Variants in BNC2 observed in about 807,000 individuals in gnomAD.
The protein encoded by BNC2 is basonuclin zinc finger protein 2.
In BNC2, 20 loss-of-function variants were observed where a neutral mutation model predicts 76.3. That is an observed-to-expected ratio of 0.26 (90% confidence interval 0.18 to 0.38). The LOEUF is 0.38. Among genes scored for constraint, BNC2 ranks in the 10% least tolerant of loss-of-function variants. The pLI is 1.00. For missense variants in BNC2, 1,382 were observed against 1,399.8 expected (o/e 0.99, Z 0.20); for synonymous variants, 582 against 514.8 (o/e 1.13, Z -1.77).
At chr9:16,582,931 A>G in intron 4 of BNC2, 52 bp downstream of exon 4, 13 of 1,342,644 alleles carry the variant, frequency 9.7e-6, no homozygotes, top group Middle Eastern at 1.8e-4. Flanking sequence ...ACACACACAC[A>G]CACGAACATG....
chr9:16,656,059 G>C (rs1341181130), intron 3 of BNC2, among the ~76,000 whole-genome samples: 1 of 152,202 alleles, frequency 6.6e-6, no homozygotes, highest in South Asian at 2.1e-4. Context: ...GACACTTTTG[G>C]TTGTCACAAC....
intron 3 of BNC2, among the ~76,000 whole-genome samples, chr9:16,715,982 T>C (rs1185669362): frequency 2.0e-5 from 3 of 152,240 alleles, no homozygotes; most frequent in Admixed American, 6.5e-5. Flanking sequence ...AAACTCATTT[T>C]CATAATTAAA....
intron 5 of BNC2, among the ~76,000 whole-genome samples, chr9:16,443,354 T>C (rs1821168366): frequency 6.6e-6 from 1 of 152,190 alleles, no homozygotes; most frequent in East Asian, 1.9e-4. Flanking sequence ...TATTTCATCA[T>C]AACCACATTG....
chr9:16,469,172 A>G lies in BNC2; in HGVS notation c.670-31648T>C, dbSNP rs1821762922. On this transcript the variant is annotated intron_variant, in intron 5 of 6. Transcript: ENST00000380672. ...AGGAGTAAAACTTGCTTTCACCTAC[A>G]GCAATAAGCAGCTCAGAAAAAGTGA... 2.0e-5 allele frequency among the ~76,000 whole-genome samples: 3 copies of G among 146,498 alleles called. No homozygotes were observed. In the South Asian group the frequency reaches 6.7e-4, roughly 33 times the overall value.
At chr9:16,593,521 C>T (rs1023292536) in intron 3 of BNC2, among the ~76,000 whole-genome samples, 1 of 150,086 alleles carries the variant, frequency 6.7e-6, no homozygotes, top group Non-Finnish European at 1.5e-5. Flanking sequence ...CATACGCAAG[C>T]TTTGGAGTGC....
chr9:16,856,369 T>TCC (rs1819258557), intron 1 of BNC2, among the ~76,000 whole-genome samples: 1 of 152,110 alleles, frequency 6.6e-6, no homozygotes, highest in African/African-American at 2.4e-5. Context: ...GACTGGTTGC[T>TCC]GTTTACAGAC....
chr9:16,563,449 T>C (rs1819074884), intron 4 of BNC2, among the ~76,000 whole-genome samples: 1 of 151,870 alleles, frequency 6.6e-6, no homozygotes, highest in African/African-American at 2.4e-5. Flanking sequence ...CGAAACCCTG[T>C]ATCTACCAAA....
chr9:16,835,020 C>T (rs970470821), intron 1 of BNC2, among the ~76,000 whole-genome samples: 2 of 152,074 alleles, frequency 1.3e-5, no homozygotes, highest in African/African-American at 2.4e-5. Flanking sequence ...GTCTAGTCAG[C>T]GAGTTTCATT....
Position 16,464,563 on chromosome 9 carries a change from TTAATA to T in BNC2, c.670-27044_670-27040del, listed in dbSNP as rs1334119252. Among the ~76,000 whole-genome samples, 41 of 149,054 alleles carry T rather than the reference TTAATA, an allele frequency of 2.8e-4. 1 individual carries two copies. On this transcript the variant is annotated intron_variant, in intron 5 of 6. Transcript: ENST00000380672. ...TTTGCAGACTGATAAGATTAAATAA[TTAATA>T]TAAGATTAAATATTTCCTAAACATA...
chr9:16,676,656 T>C (rs1435524850), intron 3 of BNC2, among the ~76,000 whole-genome samples: 3 of 152,230 alleles, frequency 2.0e-5, no homozygotes, highest in African/African-American at 7.2e-5. Flanking sequence ...ATCTGACATA[T>C]AGAACCTGAG....
At chr9:16,486,409 G>A (rs1822165595) in intron 5 of BNC2, among the ~76,000 whole-genome samples, 1 of 152,156 alleles carries the variant, frequency 6.6e-6, no homozygotes, top group African/African-American at 2.4e-5. Context: ...GGTTGGGGCA[G>A]GAAGAATTAA....
chr9:16,496,952 G>T (rs559663979), intron 5 of BNC2, among the ~76,000 whole-genome samples: 4 of 152,286 alleles, frequency 2.6e-5, no homozygotes, highest in African/African-American at 9.6e-5. Flanking sequence ...CAGCCTCTCC[G>T]CAGTACTACT....
rs1178179643 is a variant in BNC2, at chr9:16,870,599, C to T, written c.3+47G>A. On this transcript the variant is annotated intron_variant, in intron 1 of 6. Coordinates refer to ENST00000380672, the MANE Select transcript of BNC2 (RefSeq NM_017637.6). The stretch of plus-strand genomic sequence containing the variant: ...TGGCGCTCGGGCGCGGGGGTCATTT[C>T]TGAGGAAGTCTAGAATAAAAGAGGA... 4 of 1,605,614 alleles carry T rather than the reference C, an allele frequency of 2.5e-6. No homozygotes were observed. In the East Asian group the frequency reaches 6.8e-5, roughly 27 times the overall value.
At chr9:16,785,644 C>T (rs1288853289) in intron 1 of BNC2, among the ~76,000 whole-genome samples, 1 of 150,876 alleles carries the variant, frequency 6.6e-6, no homozygotes, top group East Asian at 2.0e-4. Flanking sequence ...GTGATCGGCC[C>T]GCCTCGGCCT....
chr9:16,548,641 G>A (rs1371343819), intron 5 of BNC2, among the ~76,000 whole-genome samples: 4 of 152,176 alleles, frequency 2.6e-5, no homozygotes, highest in Admixed American at 2.6e-4. Flanking sequence ...CTGACCTCAA[G>A]TGATCTGCCC....
chr9:16,660,582 C>A (rs545753507), intron 3 of BNC2, among the ~76,000 whole-genome samples: 18 of 151,832 alleles, frequency 1.2e-4, no homozygotes, highest in African/African-American at 4.3e-4. Context: ...CCTTCACAAA[C>A]AAAGCCAAAC....
intron 1 of BNC2, among the ~76,000 whole-genome samples, chr9:16,846,373 T>C (rs746555880): frequency 1.2e-4 from 19 of 152,206 alleles, no homozygotes; most frequent in Admixed American, 1.0e-3. Flanking sequence ...GGTCTGCTCA[T>C]TAATAAGAAA....
intron 5 of BNC2, among the ~76,000 whole-genome samples, chr9:16,444,288 T>C (rs965702156): frequency 2.6e-5 from 4 of 152,018 alleles, no homozygotes; most frequent in Non-Finnish European, 5.9e-5. Flanking sequence ...TAAATGGGGG[T>C]ACATGCTCAC....
intron 1 of BNC2, among the ~76,000 whole-genome samples, chr9:16,827,268 AAC>A (rs1818473801): frequency 6.6e-6 from 1 of 152,218 alleles, no homozygotes; most frequent in African/African-American, 2.4e-5. Context: ...AACTAGGAGA[AAC>A]ACATGGAAAA....
Sources: gnomAD v4.1 joint callset for allele counts (sites outside exome capture counted in the v4.1 genomes callset) on GRCh38, gnomAD v4.1.1 for gene constraint, MANE v1.5 for transcripts, NCBI Gene and HGNC (gene_info 2026-07-23, HGNC 2026-07-21) for gene names.